Variants in NRXN3 observed in about 807,000 individuals in gnomAD.
NRXN3 encodes neurexin 3.
Under a neutral mutation model 137.6 loss-of-function variants are expected in NRXN3, and 32 were observed. The ratio of observed to expected loss-of-function variants is 0.23; its 90% CI spans 0.18 to 0.31. The LOEUF (loss-of-function observed/expected upper bound fraction) is 0.31, where lower values mean the gene tolerates loss of function less well. Among genes scored for constraint, NRXN3 ranks in the 10% least tolerant of loss-of-function variants. NRXN3 has a pLI of 1.00. For synonymous variants in NRXN3, 798 were observed against 784.5 expected, an observed-to-expected ratio of 1.02 and a Z score of -0.29; for missense variants, 1,574 against 2,062.5, an observed-to-expected ratio of 0.76 and a Z score of 4.59.
At chr14:79,520,869 A>G (rs1045287514) in intron 16 of NRXN3, among the ~76,000 whole-genome samples, 2 of 152,186 alleles carry the variant, frequency 1.3e-5, no homozygotes, top group Non-Finnish European at 2.9e-5. Flanking sequence ...CGATTCCTCA[A>G]GGATCTAGAA....
At chr14:78,799,517 A>G (rs987395895) in intron 8 of NRXN3, among the ~76,000 whole-genome samples, 3 of 152,284 alleles carry the variant, frequency 2.0e-5, no homozygotes, top group African/African-American at 7.2e-5. Flanking sequence ...TGAGCCCTCC[A>G]AACTGTTCCA....
Position 78,488,964 on chromosome 14 carries a change from G to C in NRXN3, c.758-156156G>C, listed in dbSNP as rs538312460. Among the ~76,000 whole-genome samples the C allele has an allele frequency of 3.3e-5, 5 of 152,230 alleles. No homozygotes were observed. In the South Asian group the frequency reaches 1.0e-3, roughly 32 times the overall value. Reference sequence around the variant, plus strand: ...GTAGCACTTACCATGGATTGAAAAAGAGAGTTCACGCTTTTCCCTCTCTTA... The same window carrying C: ...GTAGCACTTACCATGGATTGAAAAACAGAGTTCACGCTTTTCCCTCTCTTA... On this transcript the variant is annotated intron_variant, in intron 4 of 20. Coordinates refer to ENST00000335750, the MANE Select transcript of NRXN3 (RefSeq NM_001330195.2).
intron 4 of NRXN3, among the ~76,000 whole-genome samples, chr14:78,399,540 A>G (rs1004000999): frequency 3.3e-5 from 5 of 152,218 alleles, no homozygotes; most frequent in East Asian, 1.9e-4. Flanking sequence ...GACTCAGTGC[A>G]TGAGAATTTT....
At chr14:78,321,143 A>T (rs1447946942) in intron 4 of NRXN3, among the ~76,000 whole-genome samples, 1 of 151,844 alleles carries the variant, frequency 6.6e-6, no homozygotes, top group African/African-American at 2.4e-5. Flanking sequence ...AAAAAGAAAA[A>T]AGATCACCCA....
chr14:79,739,869 T>C (rs2098954985), intron 19 of NRXN3, among the ~76,000 whole-genome samples: 1 of 152,108 alleles, frequency 6.6e-6, no homozygotes, highest in South Asian at 2.1e-4. Context: ...CTTTAATGTC[T>C]TTCACAGGTA....
At chr14:78,277,739 A>C (rs1030384262) in intron 2 of NRXN3, among the ~76,000 whole-genome samples, 2 of 152,062 alleles carry the variant, frequency 1.3e-5, no homozygotes, top group African/African-American at 4.8e-5. Context: ...GCTCTGGGTT[A>C]TGCTTCCCCA....
intron 19 of NRXN3, among the ~76,000 whole-genome samples, chr14:79,743,970 A>G (rs2098971083): frequency 6.6e-6 from 1 of 152,226 alleles, no homozygotes; most frequent in African/African-American, 2.4e-5. Flanking sequence ...AATTTAACCT[A>G]TCAATTTTAT....
chr14:78,737,244 C>T (rs1023104137), intron 8 of NRXN3, among the ~76,000 whole-genome samples: 1 of 152,176 alleles, frequency 6.6e-6, no homozygotes, highest in African/African-American at 2.4e-5. Context: ...TTCCTCTGCT[C>T]GGGCTGTGCC....
chr14:79,346,397 G>A (rs2092884854), intron 15 of NRXN3, among the ~76,000 whole-genome samples: 1 of 152,054 alleles, frequency 6.6e-6, no homozygotes, highest in African/African-American at 2.4e-5. Flanking sequence ...CTCCAGCCTG[G>A]GTAACAAGAG....
chr14:78,357,973 A>G (rs1284234036), intron 4 of NRXN3, among the ~76,000 whole-genome samples: 1 of 152,184 alleles, frequency 6.6e-6, no homozygotes. Context: ...CATCTCATAT[A>G]TCCCATAGAA....
At chr14:79,284,408 T>TA (rs1449985223) in intron 15 of NRXN3, among the ~76,000 whole-genome samples, 3 of 138,884 alleles carry the variant, frequency 2.2e-5, no homozygotes, top group East Asian at 2.2e-4. Flanking sequence ...TACATCTGCC[T>TA]AAAAAATGCT....
chr14:79,086,998 A>G (rs755759052), intron 15 of NRXN3, among the ~76,000 whole-genome samples: 19 of 152,200 alleles, frequency 1.2e-4, no homozygotes, highest in Non-Finnish European at 2.5e-4. Flanking sequence ...TAAGAGAGCA[A>G]CAATAACTTT....
rs1227663200 is a variant in NRXN3 at position 79,868,277 on chromosome 14, A to G, written c.*6313A>G. 2 of 152,244 alleles carry G rather than the reference A, an allele frequency of 1.3e-5. No individual in the cohort carries two copies. The highest frequency in any genetic ancestry group is 4.8e-5 in the African/African-American group (2 of 41,466). The allele number at this position is 152,244 out of a possible 1,614,324, so 9.4% of individuals were successfully genotyped here. Reference sequence around the variant, plus strand: ...ACCAAAAAGTTAATAAAAATACGAAAGTTTGGCACTCTTAGTTTTTCTCTA... The same window carrying G: ...ACCAAAAAGTTAATAAAAATACGAAGGTTTGGCACTCTTAGTTTTTCTCTA... On this transcript the variant is annotated 3_prime_UTR_variant, in exon 21 of 21. Transcript: ENST00000335750.
At chr14:79,386,975 G>A (rs2094643277) in intron 15 of NRXN3, among the ~76,000 whole-genome samples, 1 of 152,148 alleles carries the variant, frequency 6.6e-6, no homozygotes, top group Non-Finnish European at 1.5e-5. Flanking sequence ...AGACTTAAAT[G>A]TTAGACCTAA....
chr14:78,226,929 T>C (rs1382043766), intron 1 of NRXN3, among the ~76,000 whole-genome samples: 1 of 152,238 alleles, frequency 6.6e-6, no homozygotes, highest in Non-Finnish European at 1.5e-5. Context: ...GGGCAGAGTC[T>C]GGCATAGGTG....
chr14:78,879,552 C>T lies in NRXN3; in HGVS notation c.2275+69208C>T, dbSNP rs147746160. Among the ~76,000 whole-genome samples the T allele has an allele frequency of 2.2e-3, 338 of 152,244 alleles. 6 individuals carry two copies. The highest frequency in any genetic ancestry group is 2.8e-4 in the Non-Finnish European group (19 of 68,004). On this transcript the variant is annotated intron_variant, in intron 10 of 20. Transcript: ENST00000335750. ...AGGAAATGTCTATTTAGATCCTTTG[C>T]TTATTTTTTAATTGGGTTATTTGTT...
rs531063179 is a variant in NRXN3, at chr14:78,223,938, G to A, written c.-703-18453G>A. On this transcript the variant is annotated intron_variant, in intron 1 of 20. Transcript: ENST00000335750. ...TGGCTGCCCAGGCGTATTGAGAATG[G>A]CCATGGATGGTTGAGAACTAGGCAC... Among the ~76,000 whole-genome samples the A allele has an allele frequency of 3.9e-5, 6 of 152,308 alleles. No individual in the cohort carries two copies. In the South Asian group the frequency reaches 1.2e-3, roughly 32 times the overall value.
At chr14:78,579,001 G>A (rs2096964904) in intron 4 of NRXN3, among the ~76,000 whole-genome samples, 1 of 151,946 alleles carries the variant, frequency 6.6e-6, no homozygotes, top group Admixed American at 6.5e-5. Flanking sequence ...TACAAGTGCT[G>A]AGAGAACTGT....
In NRXN3 at chr14:79,780,486, G is replaced by C. The variant is rs148981282; in HGVS notation, c.4015-24626G>C. Among the ~76,000 whole-genome samples, 352 of 152,022 alleles carry C rather than the reference G, an allele frequency of 2.3e-3. 11 individuals carry two copies. In the East Asian group the frequency reaches 0.045, roughly 19 times the overall value. ...TAGCCAGGCGTGGTGGTGGGTGCCT[G>C]TAATCCCAGCTACTTAGGAGGCTGA... On this transcript the variant is annotated intron_variant, in intron 19 of 20. Transcript: ENST00000335750.
Sources: allele counts gnomAD v4.1 joint callset (sites outside exome capture counted in the v4.1 genomes callset), GRCh38; gene constraint gnomAD v4.1.1; transcripts MANE v1.5; gene names NCBI Gene and HGNC (gene_info 2026-07-23, HGNC 2026-07-21).